LEF1: variants seen among roughly 807,000 people sequenced by gnomAD.
The protein encoded by LEF1 is lymphoid enhancer binding factor 1.
In LEF1, 14 loss-of-function variants were observed where a neutral mutation model predicts 51.2. The ratio of observed to expected loss-of-function variants is 0.27; its 90% confidence interval spans 0.18 to 0.43. LEF1 has a LOEUF of 0.43. LEF1 is among the 20% of genes least tolerant of loss of function. The pLI, the probability that LEF1 is intolerant of heterozygous loss-of-function variation, is 1.00. For synonymous variants in LEF1, 185 were observed against 183.2 expected (o/e 1.01, Z -0.08); for missense variants, 386 against 512.0 (o/e 0.75, Z 2.37).
In LEF1 at chr4:108,099,578, A is replaced by ATGTGTGTG. The variant is rs778362206; in HGVS notation, c.415-10322_415-10321insCACACACA. On this transcript the variant is annotated intron_variant, in intron 3 of 11. Coordinates refer to ENST00000265165, the MANE Select transcript of LEF1 (RefSeq NM_016269.5). ...TGTATGTGTGTGTGTGTGTATATAT[A>ATGTGTGTG]TATATATATATATATATATATATAT... Among the ~76,000 whole-genome samples the ATGTGTGTG allele has an allele frequency of 3.5e-3, 154 of 44,394 alleles. 4 individuals are homozygous for ATGTGTGTG. The highest frequency in any genetic ancestry group is 3.6e-3 in the African/African-American group (29 of 8,006). The allele number at this position is 44,394 out of a possible 152,430, so 29.1% of individuals were successfully genotyped here.
chr4:108,153,735 C>T (rs544389353), intron 3 of LEF1, among the ~76,000 whole-genome samples: 1 of 152,226 alleles, frequency 6.6e-6, no homozygotes, highest in East Asian at 1.9e-4. Context: ...CATCACAGTA[C>T]TGCATAAGGT....
chr4:108,102,888 A>G (rs1383785970), intron 3 of LEF1, among the ~76,000 whole-genome samples: 1 of 152,224 alleles, frequency 6.6e-6, no homozygotes, highest in Non-Finnish European at 1.5e-5. Context: ...ATTAGCTTAC[A>G]AAGTGCTTCC....
intron 11 of LEF1, among the ~76,000 whole-genome samples, chr4:108,062,249 T>G (rs1737744678): frequency 6.6e-6 from 1 of 152,162 alleles, no homozygotes; most frequent in Non-Finnish European, 1.5e-5. Flanking sequence ...GCACCAAAAT[T>G]AAGTTCTAAA....
intron 3 of LEF1, among the ~76,000 whole-genome samples, chr4:108,113,908 T>A (rs1041718879): frequency 6.6e-6 from 1 of 152,186 alleles, no homozygotes; most frequent in South Asian, 2.1e-4. Context: ...CTGTAAAAGA[T>A]TTAGTTCTAG....
intron 3 of LEF1, among the ~76,000 whole-genome samples, chr4:108,098,579 A>T (rs952352684): frequency 6.6e-6 from 1 of 152,206 alleles, no homozygotes; most frequent in East Asian, 1.9e-4. Flanking sequence ...ATTCTTTAAG[A>T]TCAGGTGTGA....
At chr4:108,062,722 G>T (rs766243799) in intron 11 of LEF1, among the ~76,000 whole-genome samples, 6 of 152,206 alleles carry the variant, frequency 3.9e-5, no homozygotes, top group Non-Finnish European at 4.4e-5. Context: ...CAGTACTCCA[G>T]ATGGAAAGTC....
chr4:108,138,213 A>G (rs1743419441), intron 3 of LEF1, among the ~76,000 whole-genome samples: 1 of 152,224 alleles, frequency 6.6e-6, no homozygotes, highest in African/African-American at 2.4e-5. Context: ...AAATAAATAG[A>G]TGAAAGAGTA....
At chr4:108,095,781 G>A (rs1162238190) in intron 3 of LEF1, among the ~76,000 whole-genome samples, 3 of 152,062 alleles carry the variant, frequency 2.0e-5, no homozygotes, top group Admixed American at 6.6e-5. Flanking sequence ...CTGTTTTATC[G>A]AGAAGGAAAC....
chr4:108,163,430 A>C, intron 3 of LEF1, 138 bp downstream of exon 3: 1 of 905,754 alleles, frequency 1.1e-6, no homozygotes, highest in South Asian at 1.8e-5. Flanking sequence ...GCCATTCCTC[A>C]TAACAGCTCT....
At chr4:108,105,073 C>G (rs993995177) in intron 3 of LEF1, among the ~76,000 whole-genome samples, 2 of 152,044 alleles carry the variant, frequency 1.3e-5, no homozygotes, top group African/African-American at 4.8e-5. Flanking sequence ...CATCAATAAC[C>G]TGGAAACGAT....
intron 3 of LEF1, among the ~76,000 whole-genome samples, chr4:108,112,595 T>C (rs1367148602): frequency 6.6e-6 from 1 of 152,238 alleles, no homozygotes; most frequent in African/African-American, 2.4e-5. Flanking sequence ...ATAAGGATCA[T>C]GATGACAGTA....
chr4:108,166,174 A>G, intron 1 of LEF1: 1 of 1,278,598 alleles, frequency 7.8e-7, no homozygotes, highest in Non-Finnish European at 1.0e-6. Flanking sequence ...GGTGCACCCT[A>G]CCCCCGCCCC....
In LEF1 at chr4:108,079,478, G is replaced by C. The variant is rs372432542; in HGVS notation, c.845+14C>G. 1.9e-6 allele frequency: 3 copies of C among 1,613,770 alleles called. No individual in the cohort carries two copies. Among genetic ancestry groups the C allele is most frequent in the Non-Finnish European group, 2.5e-6 (3 of 1,179,860 alleles). ...TCCTAAGGCAATCACAGCAGAGCCCGGGTGGATACTTACACGTGCATTAGG... is the reference window on the plus strand; with the variant it reads ...TCCTAAGGCAATCACAGCAGAGCCCCGGTGGATACTTACACGTGCATTAGG... On this transcript the variant is annotated intron_variant, in intron 7 of 11. Coordinates refer to ENST00000265165, the MANE Select transcript of LEF1 (RefSeq NM_016269.5).
intron 3 of LEF1, among the ~76,000 whole-genome samples, chr4:108,132,659 CTTTTTTTT>C (rs749911957): frequency 3.2e-4 from 15 of 47,444 alleles, no homozygotes; most frequent in East Asian, 2.4e-3. Flanking sequence ...GAAAATCTGC[CTTTTTTTT>C]TTTTTTTTTT....
chr4:108,050,033 C>A lies in LEF1; in HGVS notation c.*7-1282G>T, dbSNP rs185696884. On this transcript the variant is annotated intron_variant, in intron 11 of 11. Coordinates refer to ENST00000265165, the MANE Select transcript of LEF1 (RefSeq NM_016269.5). ...CTAGTATTATTATTCCAATTATGCC[C>A]AATGCGGCCCCTAAAGATGATCAGA... Among the ~76,000 whole-genome samples the A allele has an allele frequency of 4.6e-5, 7 of 152,296 alleles. No individual in the cohort carries two copies. In the East Asian group the frequency reaches 1.4e-3, roughly 29 times the overall value.
chr4:108,151,935 C>T (rs1465367293), intron 3 of LEF1, among the ~76,000 whole-genome samples: 3 of 152,150 alleles, frequency 2.0e-5, no homozygotes, highest in African/African-American at 4.8e-5. Context: ...CCACAAACAT[C>T]TGGTGAGTAA....
chr4:108,150,048 G>T (rs1744273177), intron 3 of LEF1, among the ~76,000 whole-genome samples: 1 of 151,658 alleles, frequency 6.6e-6, no homozygotes, highest in African/African-American at 2.4e-5. Context: ...ACTTTTTAAA[G>T]GAAACTCACT....
At chr4:108,153,485 AT>A (rs1744493211) in intron 3 of LEF1, among the ~76,000 whole-genome samples, 1 of 152,222 alleles carries the variant, frequency 6.6e-6, no homozygotes, top group South Asian at 2.1e-4. Context: ...TGCTGGACTA[AT>A]TATTGACTTG....
intron 9 of LEF1, among the ~76,000 whole-genome samples, chr4:108,064,782 G>A (rs1245005842): frequency 6.6e-6 from 1 of 151,794 alleles, no homozygotes; most frequent in Non-Finnish European, 1.5e-5. Context: ...CTAGAGCTGT[G>A]GCCATAGGAC....
Sources: allele counts gnomAD v4.1 joint callset (sites outside exome capture counted in the v4.1 genomes callset), GRCh38; gene constraint gnomAD v4.1.1; transcripts MANE v1.5; gene names NCBI Gene and HGNC (gene_info 2026-07-23, HGNC 2026-07-21).